The following NIBAN2 variants were observed in gnomAD, a reference collection of about 807,000 sequenced individuals.
The protein encoded by NIBAN2 is protein Niban 2.
NIBAN2 carries 36 observed loss-of-function variants against 81.8 expected under a neutral mutation model. That is an observed-to-expected ratio of 0.44 (90% CI 0.34 to 0.58). The LOEUF (loss-of-function observed/expected upper bound fraction) is 0.58, where lower values mean the gene tolerates loss of function less well. NIBAN2 is among the 20% of genes least tolerant of loss of function. The pLI is 0.02. For missense variants in NIBAN2, 897 were observed against 1,014.1 expected (o/e 0.88, Z 1.57); for synonymous variants, 445 against 441.6 (o/e 1.01, Z -0.10).
At chr9:127,551,785 C>T (rs1228854145) in intron 1 of NIBAN2, among the ~76,000 whole-genome samples, 1 of 152,146 alleles carries the variant, frequency 6.6e-6, no homozygotes, top group Non-Finnish European at 1.5e-5. Flanking sequence ...GAGCTGCTGC[C>T]AGGCTGGCAA....
At position 127,527,238 on chromosome 9, in the gene NIBAN2, G is replaced by C; in HGVS notation, c.271C>G (p.Leu91Val). 1 of 1,614,062 alleles carries C rather than the reference G, an allele frequency of 6.2e-7. No homozygotes were observed. The highest frequency in any genetic ancestry group is 8.5e-7 in the Non-Finnish European group (1 of 1,180,022). Reference sequence around the variant, plus strand: ...ACCAGCCCGTAGTTGTGGGGCACGAGGCTGAAGCGGTTTCTCCACTTCTTG... The same window carrying C: ...ACCAGCCCGTAGTTGTGGGGCACGACGCTGAAGCGGTTTCTCCACTTCTTG... ...DSKKWRNRFS[L>V]VPHNYGLVLY... Residue 91 changes from leucine (L) to valine (V), a missense_variant, in exon 3 of 14, where the codon CTC becomes GTC. This residue lies in a region of NIBAN2 where 209 missense variants were observed against 208.4 expected (regional missense o/e 1.00). Transcript: ENST00000373312.
Position 127,508,332 on chromosome 9 carries a change from C to T in NIBAN2, c.1434+90G>A. The T allele has an allele frequency of 7.3e-7, 1 of 1,362,322 alleles. No individual in the cohort carries two copies. Among genetic ancestry groups the T allele is most frequent in the East Asian group, 2.3e-5 (1 of 43,582 alleles). 84.4% of individuals were successfully genotyped at this position (1,362,322 alleles called of 1,614,324 possible). Reference sequence around the variant, plus strand: ...ACAAGAGGACCATGGCGCCTCCTTGCAGGGACAGCAATCCTGGTGGTGGCC... The same window carrying T: ...ACAAGAGGACCATGGCGCCTCCTTGTAGGGACAGCAATCCTGGTGGTGGCC... On this transcript the variant is annotated intron_variant, in intron 11 of 13. Transcript: ENST00000373312. The surrounding 1 kb of genome is among the most constrained non-coding windows in gnomAD (Gnocchi z 6.4).
At chr9:127,550,691 T>A (rs1837559492) in intron 1 of NIBAN2, among the ~76,000 whole-genome samples, 1 of 152,150 alleles carries the variant, frequency 6.6e-6, no homozygotes, top group African/African-American at 2.4e-5. Context: ...CCAAGGTCCA[T>A]ATAAACCAGG....
chr9:127,531,185 A>G (rs2132188317), intron 2 of NIBAN2, among the ~76,000 whole-genome samples: 1 of 150,578 alleles, frequency 6.6e-6, no homozygotes, highest in East Asian at 2.0e-4. Context: ...CTGAAAAAAA[A>G]AAAATTGAAT....
rs1440952854 is a variant in NIBAN2 at position 127,563,482 on chromosome 9, T to G, written c.55+5338A>C. Among the ~76,000 whole-genome samples, 1 of 151,594 alleles carries G rather than the reference T, an allele frequency of 6.6e-6. No homozygotes were observed. The highest frequency in any genetic ancestry group is 1.5e-5 in the Non-Finnish European group (1 of 68,014). On this transcript the variant is annotated intron_variant, in intron 1 of 13. Coordinates refer to ENST00000373312, the MANE Select transcript of NIBAN2 (RefSeq NM_022833.4). This position sits in a 1 kb window ranked among gnomAD's most constrained non-coding sequence, Gnocchi z 4.1. ...CAGAAGGTGGAACCCCTCCATCCCT[T>G]CACTCTTGGCATCTACAGCCACTTC... is the stretch of plus-strand genomic sequence containing the variant.
intron 1 of NIBAN2, among the ~76,000 whole-genome samples, chr9:127,548,133 T>C (rs1394933142): frequency 6.6e-6 from 1 of 152,184 alleles, no homozygotes; most frequent in Non-Finnish European, 1.5e-5. Flanking sequence ...GAACAGCACC[T>C]CCCTGGTCCC....
At chr9:127,553,565 CAG>C (rs1837615997) in intron 1 of NIBAN2, among the ~76,000 whole-genome samples, 1 of 152,220 alleles carries the variant, frequency 6.6e-6, no homozygotes, top group African/African-American at 2.4e-5. Context: ...TAAGGGAAAG[CAG>C]AGAGCTGAGG....
intron 2 of NIBAN2, among the ~76,000 whole-genome samples, chr9:127,528,991 C>CA (rs1588164854): frequency 6.6e-6 from 1 of 152,246 alleles, no homozygotes; most frequent in East Asian, 1.9e-4. Flanking sequence ...AGTCCGCCCC[C>CA]AGATCCTGGG....
chr9:127,567,550 G>A (rs1837879230), intron 1 of NIBAN2, among the ~76,000 whole-genome samples: 1 of 152,210 alleles, frequency 6.6e-6, no homozygotes, highest in Admixed American at 6.5e-5. Context: ...GATCTCCCCA[G>A]CACCTCCCTG....
At chr9:127,529,437 G>A (rs374483839) in intron 2 of NIBAN2, among the ~76,000 whole-genome samples, 2 of 152,182 alleles carry the variant, frequency 1.3e-5, no homozygotes, top group Non-Finnish European at 2.9e-5. Flanking sequence ...TCAGGAGTTC[G>A]AGACCAGCCT....
rs532286845 is a variant in NIBAN2, at chr9:127,524,818, G to A, written c.421+240C>T. ...CAGGATGCCAAGAAGAGTAACTCCTGACGAACACAGTGCTGACCCACAGGT... is the reference window on the plus strand; with the variant it reads ...CAGGATGCCAAGAAGAGTAACTCCTAACGAACACAGTGCTGACCCACAGGT... On this transcript the variant is annotated intron_variant, in intron 4 of 13. Coordinates refer to ENST00000373312, the MANE Select transcript of NIBAN2 (RefSeq NM_022833.4). 2.5e-4 allele frequency: 109 copies of A among 429,682 alleles called. 2 individuals are homozygous for A. In the South Asian group the frequency reaches 3.7e-3, roughly 15 times the overall value. 26.6% of individuals were successfully genotyped at this position (429,682 alleles called of 1,614,324 possible).
Position 127,559,813 on chromosome 9 carries a change from G to GCA in NIBAN2, c.55+9005_55+9006dup, listed in dbSNP as rs1837739080. Among the ~76,000 whole-genome samples, 1 of 152,186 alleles carries GCA rather than the reference G, an allele frequency of 6.6e-6. No homozygotes were observed. Among genetic ancestry groups the GCA allele is most frequent in the African/African-American group, 2.4e-5 (1 of 41,430 alleles). On this transcript the variant is annotated intron_variant, in intron 1 of 13. Coordinates refer to ENST00000373312, the MANE Select transcript of NIBAN2 (RefSeq NM_022833.4). The surrounding 1 kb of genome is among the most constrained non-coding windows in gnomAD (Gnocchi z 4.0). Reference sequence around the variant, plus strand: ...GACCCACACCCGGCACTTCTGATCTGCAAGAGGAGGGCCTCCCTTGGCCAA... The same window carrying GCA: ...GACCCACACCCGGCACTTCTGATCTGCACAAGAGGAGGGCCTCCCTTGGCCAA...
At chr9:127,525,019 T>C (rs1351348384) in intron 4 of NIBAN2, 39 bp downstream of exon 4, 1 of 1,508,248 alleles carries the variant, frequency 6.6e-7, no homozygotes, top group Non-Finnish European at 9.2e-7. Flanking sequence ...TCCAGATGCC[T>C]GTGCAGGGCA....
intron 1 of NIBAN2, among the ~76,000 whole-genome samples, chr9:127,534,856 C>T (rs931819271): frequency 6.6e-6 from 1 of 152,140 alleles, no homozygotes; most frequent in Admixed American, 6.5e-5. Context: ...AGTCATACAT[C>T]GGGGATAATA....
At chr9:127,535,935 C>G (rs1005661888) in intron 1 of NIBAN2, among the ~76,000 whole-genome samples, 9 of 151,904 alleles carry the variant, frequency 5.9e-5, no homozygotes, top group African/African-American at 2.4e-5. Flanking sequence ...ACTGAGGGAG[C>G]GCCATGCTGC....
intron 1 of NIBAN2, among the ~76,000 whole-genome samples, chr9:127,560,776 G>A (rs188832948): frequency 1.3e-5 from 2 of 152,268 alleles, no homozygotes; most frequent in Admixed American, 1.3e-4. Flanking sequence ...ACGTGTGTTG[G>A]GGGCCAGAGC....
In NIBAN2 at chr9:127,508,178, G is replaced by C; in HGVS notation, c.1457C>G (p.Ser486Cys). 1 of 1,613,622 alleles carries C rather than the reference G, an allele frequency of 6.2e-7. No homozygotes were observed. The highest frequency in any genetic ancestry group is 8.5e-7 in the Non-Finnish European group (1 of 1,179,942). ...CTCCCGGAAGAACCTCTTCCGCACA[G>C]AGCTGCTGTCGTAGTCGTATTTCTG... ...VLKKYDYDSS[S>C]VRKRFFREAL... Residue 486 changes from serine to cysteine, a missense_variant, in exon 12 of 14, where the codon TCT becomes TGT. Around this residue, in one of 3 missense-constraint regions of NIBAN2, gnomAD observed 619 missense variants for 691.0 expected, o/e 0.90. Coordinates refer to ENST00000373312, the MANE Select transcript of NIBAN2 (RefSeq NM_022833.4). This position sits in a 1 kb window ranked among gnomAD's most constrained non-coding sequence, Gnocchi z 6.4.
At chr9:127,515,507 C>T (rs1411402298) in intron 8 of NIBAN2, among the ~76,000 whole-genome samples, 4 of 119,734 alleles carry the variant, frequency 3.3e-5, no homozygotes, top group African/African-American at 1.3e-4. Context: ...GGCGACAGAG[C>T]GAGACTCCGT....
intron 1 of NIBAN2, among the ~76,000 whole-genome samples, chr9:127,567,733 G>A (rs371274573): frequency 6.6e-6 from 1 of 152,154 alleles, no homozygotes; most frequent in Non-Finnish European, 1.5e-5. Context: ...AGCGAGGGGC[G>A]ACCCACCTGA....
Sources: gnomAD v4.1 joint callset for allele counts (sites outside exome capture counted in the v4.1 genomes callset) on GRCh38, gnomAD v4.1.1 for gene constraint, gnomAD v4.1.1 regional missense constraint, Gnocchi (gnomAD v3.1) non-coding constraint, MANE v1.5 for transcripts, NCBI Gene and HGNC (gene_info 2026-07-23, HGNC 2026-07-21) for gene names.